The following UBE2W variants were observed in gnomAD, a reference collection of about 807,000 sequenced individuals.
UBE2W encodes ubiquitin-conjugating enzyme E2 W.
A neutral mutation model predicts 27.2 loss-of-function variants in UBE2W; 18 were observed. The observed-to-expected ratio is 0.66, with a 90% CI of 0.46 to 0.98. The LOEUF (loss-of-function observed/expected upper bound fraction) is 0.98. Among genes scored for constraint, UBE2W ranks in the 50% least tolerant of loss-of-function variants. The pLI is 0.00. For synonymous variants in UBE2W, 53 were observed against 57.2 expected, an observed-to-expected ratio of 0.93 and a Z score of 0.33; for missense variants, 90 against 180.2, an observed-to-expected ratio of 0.50 and a Z score of 2.87.
intron 3 of UBE2W, among the ~76,000 whole-genome samples, chr8:73,820,986 T>A (rs1488197032): frequency 2.6e-5 from 4 of 152,054 alleles, no homozygotes; most frequent in Admixed American, 2.6e-4. Context: ...AAAAAAGGAA[T>A]CCTTATATTT....
chr8:73,878,801 C>T lies in UBE2W; in HGVS notation c.15+7G>A, dbSNP rs560537157. The T allele has an allele frequency of 2.1e-5, 32 of 1,550,274 alleles. No homozygotes were observed. The highest frequency in any genetic ancestry group is 9.5e-5 in the South Asian group (8 of 84,040). On this transcript the variant is annotated splice_region_variant and intron_variant, in intron 1 of 5. Coordinates refer to ENST00000602593, the MANE Select transcript of UBE2W (RefSeq NM_018299.6). ...TGGCCCGCCCAGATGCAGCAAACTC[C>T]TCTCACCTGCATTGACGCCATGATG...
chr8:73,871,591 G>A (rs780909835), intron 1 of UBE2W, among the ~76,000 whole-genome samples: 14 of 152,096 alleles, frequency 9.2e-5, no homozygotes, highest in Admixed American at 7.2e-4. Context: ...AAAAGCATGC[G>A]CTGTTTTTTG....
In UBE2W at chr8:73,839,738, T is replaced by C. The variant is rs186744618; in HGVS notation, c.16-9266A>G. 3.5e-3 allele frequency among the ~76,000 whole-genome samples: 530 copies of C among 149,914 alleles called. 15 individuals are homozygous for C. Among genetic ancestry groups the C allele is most frequent in the Admixed American group, 0.031 (473 of 15,126 alleles). The stretch of plus-strand genomic sequence containing the variant: ...CATTTCTTTTTTGGTTTTTTTTTTT[T>C]TTTTTTTTGAAACAGAATCTTGCTC... On this transcript the variant is annotated intron_variant, in intron 1 of 5. Transcript: ENST00000602593.
chr8:73,800,168 G>GA (rs373118932), intron 5 of UBE2W, among the ~76,000 whole-genome samples: 2,815 of 151,790 alleles, frequency 0.019, 94 homozygotes, highest in African/African-American at 0.065. Flanking sequence ...AAAAGTGAAG[G>GA]AAAAAAAAGT....
chr8:73,793,609 G>T lies in UBE2W; in HGVS notation c.*493C>A. 1.0e-6 allele frequency: 1 copy of T among 986,260 alleles called. No individual in the cohort carries two copies. Among genetic ancestry groups the T allele is most frequent in the Non-Finnish European group, 1.2e-6 (1 of 830,282 alleles). 61.1% of individuals were successfully genotyped at this position (986,260 alleles called of 1,614,324 possible). The stretch of plus-strand genomic sequence containing the variant: ...GAATCCAAATATAAACAGTTGGGGT[G>T]ACTTTTAAAGTAATGTTGGATCCCT... On this transcript the variant is annotated 3_prime_UTR_variant, in exon 6 of 6. Coordinates refer to ENST00000602593, the MANE Select transcript of UBE2W (RefSeq NM_018299.6).
At chr8:73,818,078 T>A (rs1223840937) in intron 3 of UBE2W, among the ~76,000 whole-genome samples, 4 of 152,228 alleles carry the variant, frequency 2.6e-5, no homozygotes, top group Non-Finnish European at 5.9e-5. Context: ...TTCTACCAGT[T>A]CAAATAGGTT....
intron 1 of UBE2W, among the ~76,000 whole-genome samples, chr8:73,839,532 C>T (rs73338485): frequency 0.034 from 5,115 of 151,370 alleles, 260 homozygotes; most frequent in African/African-American, 0.11. Context: ...TGGCACATGC[C>T]TGTAATTTCT....
Position 73,794,026 on chromosome 8 carries a change from G to A in UBE2W, c.*76C>T. ...AGGTCACTTCCAGTCAAAGGTTAAA[G>A]TTCAAAGACTGAATGATCAAAGTGC... On this transcript the variant is annotated 3_prime_UTR_variant, in exon 6 of 6. Coordinates refer to ENST00000602593, the MANE Select transcript of UBE2W (RefSeq NM_018299.6). 6.2e-7 allele frequency: 1 copy of A among 1,602,772 alleles called. No individual in the cohort carries two copies. Among genetic ancestry groups the A allele is most frequent in the South Asian group, 1.1e-5 (1 of 88,516 alleles).
chr8:73,838,033 C>T lies in UBE2W; in HGVS notation c.16-7561G>A, dbSNP rs535141215. 2.6e-5 allele frequency among the ~76,000 whole-genome samples: 4 copies of T among 152,280 alleles called. No individual in the cohort carries two copies. In the South Asian group the frequency reaches 8.3e-4, roughly 32 times the overall value. On this transcript the variant is annotated intron_variant, in intron 1 of 5. Transcript: ENST00000602593. ...GAAAACCTGAAAACTCTAGCCCTTA[C>T]CTTGTGTTGGTTCAAGTCTGCAAAG...
intron 5 of UBE2W, among the ~76,000 whole-genome samples, chr8:73,803,788 A>T (rs1808749650): frequency 7.1e-6 from 1 of 141,466 alleles, no homozygotes. Flanking sequence ...TTTTTTTGAG[A>T]CGGAGGCTTG....
At chr8:73,815,779 A>G (rs935788522) in intron 3 of UBE2W, among the ~76,000 whole-genome samples, 1 of 152,230 alleles carries the variant, frequency 6.6e-6, no homozygotes, top group Non-Finnish European at 1.5e-5. Context: ...TAAAAAACAG[A>G]ATATAATTAT....
At chr8:73,847,416 T>C (rs1310776250) in intron 1 of UBE2W, among the ~76,000 whole-genome samples, 3 of 152,280 alleles carry the variant, frequency 2.0e-5, no homozygotes, top group South Asian at 4.1e-4. Context: ...TGGTAAACAA[T>C]TTTATAAAAC....
chr8:73,820,582 C>CA (rs1343815314), intron 3 of UBE2W, among the ~76,000 whole-genome samples: 45 of 149,724 alleles, frequency 3.0e-4, no homozygotes, highest in South Asian at 1.1e-3. Context: ...ACCAAAAATA[C>CA]AAAAAAAAAT....
chr8:73,805,755 G>A, intron 4 of UBE2W, 29 bp from the exon 5 acceptor site: 5 of 1,279,258 alleles, frequency 3.9e-6, no homozygotes, highest in East Asian at 2.6e-5. Flanking sequence ...TAAATAGGTT[G>A]AAAAACAGAA....
At chr8:73,846,667 A>G (rs1051064213) in intron 1 of UBE2W, among the ~76,000 whole-genome samples, 3 of 152,210 alleles carry the variant, frequency 2.0e-5, no homozygotes, top group African/African-American at 7.2e-5. Flanking sequence ...TGGATGGGAT[A>G]AGAATATGAG....
At chr8:73,820,294 T>TA (rs1809554110) in intron 3 of UBE2W, among the ~76,000 whole-genome samples, 1 of 152,162 alleles carries the variant, frequency 6.6e-6, no homozygotes, top group East Asian at 1.9e-4. Context: ...TTTGACCCAT[T>TA]ATAATTATGT....
intron 1 of UBE2W, among the ~76,000 whole-genome samples, chr8:73,877,431 G>C (rs747069730): frequency 2.6e-5 from 4 of 152,176 alleles, no homozygotes; most frequent in South Asian, 4.1e-4. Context: ...AGTCCAGAGG[G>C]AGAAGCAAGG....
At chr8:73,809,931 C>A (rs1324977818) in intron 4 of UBE2W, among the ~76,000 whole-genome samples, 2 of 151,848 alleles carry the variant, frequency 1.3e-5, no homozygotes, top group Non-Finnish European at 2.9e-5. Flanking sequence ...TTTTTCCCCC[C>A]ACTTCCATCA....
intron 1 of UBE2W, among the ~76,000 whole-genome samples, chr8:73,842,843 TC>T (rs1810603082): frequency 6.6e-6 from 1 of 152,076 alleles, no homozygotes; most frequent in Non-Finnish European, 1.5e-5. Flanking sequence ...AAAAAATAAC[TC>T]AATGGATGAT....
Sources: gnomAD v4.1 joint callset for allele counts (sites outside exome capture counted in the v4.1 genomes callset) on GRCh38, gnomAD v4.1.1 for gene constraint, MANE v1.5 for transcripts, NCBI Gene and HGNC (gene_info 2026-07-23, HGNC 2026-07-21) for gene names.